Variants in GRM8 observed in about 807,000 individuals in gnomAD.
The protein encoded by GRM8 is metabotropic glutamate receptor 8.
A neutral mutation model predicts 87.2 loss-of-function variants in GRM8; 47 were observed. The ratio of observed to expected loss-of-function variants is 0.54; its 90% CI spans 0.43 to 0.69. GRM8 has a LOEUF of 0.69. GRM8 is among the 30% of genes least tolerant of loss of function. The probability of loss-of-function intolerance (pLI) is 0.00; values close to 1 mark genes in which losing one functional copy is unlikely to be tolerated. For missense variants in GRM8, 1,019 were observed against 1,139.2 expected (o/e 0.89, Z 1.52); for synonymous variants, 396 against 404.5 (o/e 0.98, Z 0.25).
At chr7:126,892,020 G>GT (rs1173809431) in intron 6 of GRM8, among the ~76,000 whole-genome samples, 1 of 16,806 alleles carries the variant, frequency 6.0e-5, no homozygotes, top group Non-Finnish European at 1.1e-4. Flanking sequence ...TTCTTGCAGG[G>GT]TAAAAAAAAA....
intron 7 of GRM8, among the ~76,000 whole-genome samples, chr7:126,695,548 G>A (rs186982639): frequency 2.6e-5 from 4 of 152,256 alleles, no homozygotes; most frequent in Non-Finnish European, 2.9e-5. Context: ...GCAGAAGAAA[G>A]CATATTAGAA....
At chr7:126,938,693 A>C (rs1346672037) in intron 3 of GRM8, among the ~76,000 whole-genome samples, 1 of 152,192 alleles carries the variant, frequency 6.6e-6, no homozygotes, top group Non-Finnish European at 1.5e-5. Context: ...AAATTAAGAC[A>C]ATTTTCTTCT....
intron 6 of GRM8, among the ~76,000 whole-genome samples, chr7:126,849,189 A>G (rs868486269): frequency 6.6e-6 from 1 of 152,170 alleles, no homozygotes; most frequent in African/African-American, 2.4e-5. Flanking sequence ...CTCAAAAGAA[A>G]AAAACAGAAA....
At chr7:127,205,599 C>T (rs527428228) in intron 2 of GRM8, among the ~76,000 whole-genome samples, 7 of 152,230 alleles carry the variant, frequency 4.6e-5, no homozygotes, top group Non-Finnish European at 1.0e-4. Context: ...CACCACTGTT[C>T]GCCACTCTCT....
chr7:126,783,862 A>G (rs1384041806), intron 6 of GRM8, among the ~76,000 whole-genome samples: 2 of 152,150 alleles, frequency 1.3e-5, no homozygotes, highest in African/African-American at 4.8e-5. Context: ...CCCCTCATAA[A>G]TCAGGAACCT....
chr7:127,035,192 G>GAA (rs1328563729), intron 3 of GRM8, among the ~76,000 whole-genome samples: 2 of 152,158 alleles, frequency 1.3e-5, no homozygotes, highest in African/African-American at 4.8e-5. Context: ...CTGTGGGGCA[G>GAA]AATGTCAAAA....
intron 6 of GRM8, among the ~76,000 whole-genome samples, chr7:126,879,178 G>A (rs1799808196): frequency 6.7e-6 from 1 of 150,240 alleles, no homozygotes; most frequent in Non-Finnish European, 1.5e-5. Flanking sequence ...GGTGGGGTCG[G>A]GGGAGGGGGC....
At chr7:126,824,587 G>A (rs949082162) in intron 6 of GRM8, among the ~76,000 whole-genome samples, 18 of 152,150 alleles carry the variant, frequency 1.2e-4, no homozygotes, top group Non-Finnish European at 2.4e-4. Context: ...CTGTGGCTAA[G>A]CCCATGGCAG....
At chr7:126,994,350 T>C (rs1443664694) in intron 3 of GRM8, among the ~76,000 whole-genome samples, 3 of 152,202 alleles carry the variant, frequency 2.0e-5, no homozygotes, top group African/African-American at 4.8e-5. Context: ...TCAGGTGGTA[T>C]ACCACTGGCC....
At chr7:126,900,368 C>T (rs1346066393) in intron 6 of GRM8, among the ~76,000 whole-genome samples, 1 of 152,170 alleles carries the variant, frequency 6.6e-6, no homozygotes, top group Non-Finnish European at 1.5e-5. Context: ...CATGATTTAA[C>T]GATCTTTGCC....
At chr7:126,781,165 C>T (rs899139130) in intron 6 of GRM8, among the ~76,000 whole-genome samples, 1 of 152,160 alleles carries the variant, frequency 6.6e-6, no homozygotes, top group Non-Finnish European at 1.5e-5. Context: ...AGCCAGATAA[C>T]TGCACATTTA....
chr7:126,975,482 T>C (rs1379986495), intron 3 of GRM8, among the ~76,000 whole-genome samples: 3 of 152,244 alleles, frequency 2.0e-5, no homozygotes, highest in African/African-American at 7.2e-5. Flanking sequence ...GTTTGTAATT[T>C]GTTTCAAAAC....
intron 6 of GRM8, among the ~76,000 whole-genome samples, chr7:126,851,450 T>TC (rs1356122151): frequency 6.6e-6 from 1 of 152,138 alleles, no homozygotes; most frequent in Non-Finnish European, 1.5e-5. Context: ...TCGAATAAGT[T>TC]CCCATCTCAA....
At chr7:127,242,187 C>T (rs1185197968) in intron 2 of GRM8, among the ~76,000 whole-genome samples, 1 of 151,600 alleles carries the variant, frequency 6.6e-6, no homozygotes, top group Non-Finnish European at 1.5e-5. Flanking sequence ...ATTTTATGAC[C>T]ATCTCATCTC....
At chr7:127,075,735 T>C (rs1563481196) in intron 3 of GRM8, among the ~76,000 whole-genome samples, 1 of 152,126 alleles carries the variant, frequency 6.6e-6, no homozygotes, top group South Asian at 2.1e-4. Flanking sequence ...CTTCCCATTA[T>C]TGGGGGAGGG....
At chr7:126,483,746 TC>T (rs1563057637) in intron 9 of GRM8, among the ~76,000 whole-genome samples, 1 of 29,892 alleles carries the variant, frequency 3.3e-5, no homozygotes, top group African/African-American at 1.5e-4. Flanking sequence ...AGTATTTCCC[TC>T]CCTCCCTCCC....
intron 6 of GRM8, among the ~76,000 whole-genome samples, chr7:126,834,992 C>T (rs1042231201): frequency 6.6e-6 from 1 of 151,302 alleles, no homozygotes; most frequent in Non-Finnish European, 1.5e-5. Flanking sequence ...GGGAGGATTG[C>T]TTGAGCCCAG....
At chr7:127,030,790 C>A (rs1267706526) in intron 3 of GRM8, among the ~76,000 whole-genome samples, 2 of 152,108 alleles carry the variant, frequency 1.3e-5, no homozygotes, top group Non-Finnish European at 2.9e-5. Flanking sequence ...AACTTAACAA[C>A]AGGAAAACTA....
At chr7:127,021,242 C>T (rs1816232242) in intron 3 of GRM8, among the ~76,000 whole-genome samples, 1 of 151,818 alleles carries the variant, frequency 6.6e-6, no homozygotes, top group Non-Finnish European at 1.5e-5. Context: ...GGACTTTGGC[C>T]AGGAATGTTT....
Sources: gnomAD v4.1 joint callset for allele counts (sites outside exome capture counted in the v4.1 genomes callset) on GRCh38, gnomAD v4.1.1 for gene constraint, MANE v1.5 for transcripts, NCBI Gene and HGNC (gene_info 2026-07-23, HGNC 2026-07-21) for gene names.